Variants in ZNF536 observed in about 807,000 individuals in gnomAD.
ZNF536 encodes zinc finger protein 536.
ZNF536 carries 13 observed loss-of-function variants against 84.5 expected under a neutral mutation model. The ratio of observed to expected loss-of-function variants is 0.15; its 90% CI spans 0.10 to 0.24. ZNF536 has a LOEUF of 0.24. Among genes scored for constraint, ZNF536 ranks in the 10% least tolerant of loss-of-function variants. The pLI is 1.00. For missense variants in ZNF536, 1,536 were observed against 1,747.5 expected (o/e 0.88, Z 2.16); for synonymous variants, 811 against 742.5 (o/e 1.09, Z -1.50).
At chr19:30,258,138 C>T (rs2025007405) in intron 1 of ZNF536, among the ~76,000 whole-genome samples, 1 of 152,164 alleles carries the variant, frequency 6.6e-6, no homozygotes, top group Non-Finnish European at 1.5e-5. Flanking sequence ...GATGTTAGCC[C>T]ATTTTGTGTT....
At chr19:30,382,790 A>G (rs147952888) in intron 1 of ZNF536, among the ~76,000 whole-genome samples, 38 of 152,202 alleles carry the variant, frequency 2.5e-4, no homozygotes, top group African/African-American at 4.6e-4. Context: ...CAGGTGTACA[A>G]ATTCCTGCGG....
upstream of ZNF536, among the ~76,000 whole-genome samples, chr19:30,227,841 G>A (rs1269780666): frequency 6.6e-6 from 1 of 151,928 alleles, no homozygotes; most frequent in South Asian, 2.1e-4. Flanking sequence ...GCGGGCCGCC[G>A]GGCCTGGTCG....
chr19:30,313,772 A>G (rs2046585142), intron 2 of ZNF536, among the ~76,000 whole-genome samples: 1 of 152,166 alleles, frequency 6.6e-6, no homozygotes, highest in Non-Finnish European at 1.5e-5. Context: ...TCCTGAGTAC[A>G]GGTGGGTTCC....
At chr19:30,700,964 G>A (rs1384318541) in intron 1 of ZNF536, among the ~76,000 whole-genome samples, 1 of 152,138 alleles carries the variant, frequency 6.6e-6, no homozygotes, top group Non-Finnish European at 1.5e-5. Context: ...AAGCCTTACA[G>A]CCCTGTGTGT....
chr19:30,696,829 G>A (rs186450856), intron 1 of ZNF536, among the ~76,000 whole-genome samples: 2 of 152,208 alleles, frequency 1.3e-5, no homozygotes, highest in Admixed American at 1.3e-4. Context: ...CTGAAATCTG[G>A]CGACATCTAA....
intron 1 of ZNF536, among the ~76,000 whole-genome samples, chr19:30,585,328 C>T (rs758415882): frequency 4.8e-4 from 73 of 152,056 alleles, no homozygotes; most frequent in Non-Finnish European, 9.0e-4. Flanking sequence ...TGGCACAGTG[C>T]CTGGCACAGA....
At chr19:30,608,279 A>G (rs1001263988) in intron 1 of ZNF536, among the ~76,000 whole-genome samples, 1 of 152,216 alleles carries the variant, frequency 6.6e-6, no homozygotes, top group Non-Finnish European at 1.5e-5. Context: ...TCTACTCTGC[A>G]TCGTGGTCCT....
At chr19:30,563,203 C>A (rs2046233429) in intron 1 of ZNF536, among the ~76,000 whole-genome samples, 1 of 152,088 alleles carries the variant, frequency 6.6e-6, no homozygotes, top group African/African-American at 2.4e-5. Flanking sequence ...GGTGCCCCAC[C>A]CTCATCCTTG....
chr19:30,612,687 T>G (rs1432976124), intron 1 of ZNF536, among the ~76,000 whole-genome samples: 1 of 152,244 alleles, frequency 6.6e-6, no homozygotes, highest in African/African-American at 2.4e-5. Context: ...ATATCAGATT[T>G]TCTAAAAGAG....
chr19:30,331,271 A>G (rs1467617668), intron 2 of ZNF536, among the ~76,000 whole-genome samples: 1 of 140,388 alleles, frequency 7.1e-6, no homozygotes, highest in Non-Finnish European at 1.5e-5. Context: ...AGCCTGGGGA[A>G]CAGAGTAAGA....
chr19:30,344,362 C>T (rs2047671032), intron 2 of ZNF536, among the ~76,000 whole-genome samples: 1 of 116,228 alleles, frequency 8.6e-6, no homozygotes, highest in Admixed American at 9.9e-5. Context: ...ATCACTTGAA[C>T]CCGGGAGGCG....
chr19:30,508,075 G>C (rs1399597865), intron 2 of ZNF536, among the ~76,000 whole-genome samples: 1 of 152,168 alleles, frequency 6.6e-6, no homozygotes, highest in African/African-American at 2.4e-5. Context: ...CCATGGAACA[G>C]GGCCTGTGGC....
At chr19:30,260,703 C>T (rs2025161711) in intron 1 of ZNF536, among the ~76,000 whole-genome samples, 1 of 152,196 alleles carries the variant, frequency 6.6e-6, no homozygotes, top group African/African-American at 2.4e-5. Context: ...GAAGTTATGA[C>T]CCAGGCACCA....
intron 2 of ZNF536, among the ~76,000 whole-genome samples, chr19:30,514,333 G>A (rs1045111951): frequency 4.6e-5 from 7 of 152,048 alleles, no homozygotes; most frequent in East Asian, 1.9e-4. Flanking sequence ...CCTTAATCTC[G>A]TTGATGTGGC....
intron 2 of ZNF536, among the ~76,000 whole-genome samples, chr19:30,304,642 A>C (rs573386139): frequency 1.3e-5 from 2 of 152,320 alleles, no homozygotes; most frequent in Admixed American, 6.5e-5. Context: ...AGTTGGGGCC[A>C]GCAGGTGAGG....
chr19:30,470,685 C>CTTTT (rs36018979), intron 2 of ZNF536, among the ~76,000 whole-genome samples: 2 of 125,984 alleles, frequency 1.6e-5, no homozygotes, highest in African/African-American at 6.1e-5. Flanking sequence ...TGTAGACTGT[C>CTTTT]TTTTTTTTTT....
intron 1 of ZNF536, among the ~76,000 whole-genome samples, chr19:30,374,337 C>A (rs955268852): frequency 6.6e-6 from 1 of 151,896 alleles, no homozygotes; most frequent in African/African-American, 2.4e-5. Context: ...ATCTTTTAGT[C>A]TAGCACCGTA....
At chr19:30,456,587 G>C (rs2052857444) in intron 2 of ZNF536, among the ~76,000 whole-genome samples, 1 of 152,080 alleles carries the variant, frequency 6.6e-6, no homozygotes, top group South Asian at 2.1e-4. Flanking sequence ...CTGAAGCTAG[G>C]TAGTTCCCTA....
chr19:30,226,108 G>A (rs955500969), upstream of ZNF536, among the ~76,000 whole-genome samples: 2 of 151,730 alleles, frequency 1.3e-5, no homozygotes, highest in African/African-American at 4.8e-5. The surrounding 1 kb of genome is among the most constrained non-coding windows in gnomAD (Gnocchi z 4.6). Flanking sequence ...CCTGGCGCCC[G>A]GCGCGCGATC....
Sources: allele counts gnomAD v4.1 joint callset (sites outside exome capture counted in the v4.1 genomes callset), GRCh38; gene constraint gnomAD v4.1.1; non-coding constraint Gnocchi (gnomAD v3.1); transcripts MANE v1.5; gene names NCBI Gene and HGNC (gene_info 2026-07-23, HGNC 2026-07-21).